Variants in MYO9B observed in about 807,000 individuals in gnomAD.
MYO9B encodes myosin IXB.
Under a neutral mutation model 229.5 loss-of-function variants are expected in MYO9B, and 71 were observed. The observed-to-expected ratio is 0.31, with a 90% CI of 0.26 to 0.38. The LOEUF (loss-of-function observed/expected upper bound fraction) is 0.38, where lower values mean the gene tolerates loss of function less well. Among genes scored for constraint, MYO9B ranks in the 10% least tolerant of loss-of-function variants. The pLI, the probability that MYO9B is intolerant of heterozygous loss-of-function variation, is 1.00. For synonymous variants in MYO9B, 1,185 were observed against 1,235.8 expected (o/e 0.96, Z 0.86); for missense variants, 2,255 against 2,920.5 (o/e 0.77, Z 5.25).
intron 31 of MYO9B, 126 bp from the exon 32 acceptor site, chr19:17,205,832 CAG>C (rs1322651617): frequency 1.1e-5 from 10 of 913,320 alleles, no homozygotes; most frequent in Non-Finnish European, 1.6e-5. Context: ...CAGAAGGAGA[CAG>C]GGAGGGACAG....
chr19:17,174,964 T>C (rs1270618458), intron 13 of MYO9B, among the ~76,000 whole-genome samples: 1 of 151,356 alleles, frequency 6.6e-6, no homozygotes, highest in Non-Finnish European at 1.5e-5. Flanking sequence ...AATAAATTAA[T>C]TAATTAATTA....
intron 7 of MYO9B, among the ~76,000 whole-genome samples, chr19:17,158,884 C>A (rs1335969479): frequency 6.6e-6 from 1 of 152,190 alleles, no homozygotes; most frequent in East Asian, 1.9e-4. Flanking sequence ...AATTCTGAAA[C>A]CTGCCAAGTG....
chr19:17,181,890 C>T (rs181796059), intron 15 of MYO9B, among the ~76,000 whole-genome samples: 1 of 152,096 alleles, frequency 6.6e-6, no homozygotes, highest in Admixed American at 6.6e-5. Flanking sequence ...ATTCTCCCAC[C>T]TCAGCCTCCT....
At chr19:17,136,472 G>A (rs146276994) in intron 2 of MYO9B, among the ~76,000 whole-genome samples, 111 of 152,196 alleles carry the variant, frequency 7.3e-4, no homozygotes, top group Middle Eastern at 3.4e-3. Context: ...CTATGGAAGG[G>A]ACAAAGGGAC....
At chr19:17,105,390 G>A (rs2057783639) in intron 2 of MYO9B, among the ~76,000 whole-genome samples, 1 of 151,880 alleles carries the variant, frequency 6.6e-6, no homozygotes, top group Admixed American at 6.6e-5. Context: ...CCCTACGTGG[G>A]AGTCTGAGGC....
chr19:17,076,983 T>C (rs776727281), intron 1 of MYO9B, among the ~76,000 whole-genome samples: 5 of 152,088 alleles, frequency 3.3e-5, no homozygotes, highest in Non-Finnish European at 7.4e-5. Context: ...CAGGGGTCTT[T>C]AAGGGATGGC....
intron 11 of MYO9B, 74 bp downstream of exon 11, chr19:17,168,138 C>A: frequency 5.1e-6 from 8 of 1,558,122 alleles, no homozygotes; most frequent in Non-Finnish European, 7.0e-6. Flanking sequence ...GCCCCCAGAG[C>A]CTTACCCCAA....
chr19:17,088,507 C>G (rs2057605559), intron 1 of MYO9B, among the ~76,000 whole-genome samples: 1 of 152,184 alleles, frequency 6.6e-6, no homozygotes, highest in Non-Finnish European at 1.5e-5. Context: ...CAGCTGCTCC[C>G]CGAGGAGTTT....
intron 11 of MYO9B, among the ~76,000 whole-genome samples, chr19:17,168,639 C>T (rs17534120): frequency 0.026 from 4,017 of 152,320 alleles, 79 homozygotes; most frequent in South Asian, 0.077. Context: ...TGCCTAGAAA[C>T]TAGACACTGG....
intron 2 of MYO9B, among the ~76,000 whole-genome samples, chr19:17,111,743 C>A (rs1224426849): frequency 6.6e-6 from 1 of 152,164 alleles, no homozygotes; most frequent in East Asian, 1.9e-4. Flanking sequence ...ACATTTCCAT[C>A]CCCCTGAAAG....
At chr19:17,124,385 T>C (rs1568674752) in intron 2 of MYO9B, among the ~76,000 whole-genome samples, 1 of 151,838 alleles carries the variant, frequency 6.6e-6, no homozygotes, top group Admixed American at 6.6e-5. Context: ...CTTCCCAGAG[T>C]AGAACAATTA....
intron 1 of MYO9B, among the ~76,000 whole-genome samples, chr19:17,090,940 T>C (rs1230109696): frequency 6.6e-6 from 1 of 152,134 alleles, no homozygotes; most frequent in Non-Finnish European, 1.5e-5. Flanking sequence ...TCACATCCAC[T>C]TGGGGCAGGG....
At chr19:17,103,296 G>T (rs1206641916) in intron 2 of MYO9B, 1 of 152,162 alleles carries the variant, frequency 6.6e-6, no homozygotes, top group Non-Finnish European at 1.5e-5. Context: ...ACTGCCTCTT[G>T]GAAAGAGAGT....
At chr19:17,080,284 G>T (rs546796062) in intron 1 of MYO9B, among the ~76,000 whole-genome samples, 1 of 152,192 alleles carries the variant, frequency 6.6e-6, no homozygotes, top group East Asian at 1.9e-4. Flanking sequence ...AGAACCGCAC[G>T]CTGGGTGGCC....
intron 17 of MYO9B, 63 bp downstream of exon 17, chr19:17,185,050 C>T (rs569083940): frequency 1.2e-4 from 188 of 1,608,288 alleles, no homozygotes; most frequent in Middle Eastern, 9.9e-4. Flanking sequence ...TGTAGCTTCA[C>T]CCGACACCGA....
rs1568302672 is a variant in MYO9B, at chr19:17,206,146, CAGACAGGTGGGCGCTGT to C, written c.5252_5257+11del. The C allele has an allele frequency of 1.2e-6, 2 of 1,607,100 alleles. No homozygotes were observed. The highest frequency in any genetic ancestry group is 1.1e-5 in the South Asian group (1 of 90,740). ...CACTCGGGAGCTCCGGCAGGCGCTG[CAGACAGGTGGGCGCTGT>C]GGGCAGGTGGGTGCAGTGCCAGGCC... On this transcript the variant is annotated splice_donor_variant and splice_donor_5th_base_variant and coding_sequence_variant and intron_variant, in exon 32 of 40. Transcript: ENST00000682292. LOFTEE classifies it high-confidence loss of function.
chr19:17,092,722 C>CAAAAAA (rs3067821), intron 1 of MYO9B, among the ~76,000 whole-genome samples: 1 of 97,654 alleles, frequency 1.0e-5, no homozygotes, highest in Non-Finnish European at 2.1e-5. Context: ...AAGGCTCCGT[C>CAAAAAA]AAAAAAAAAA....
In MYO9B at chr19:17,101,552, G is replaced by C; in HGVS notation, c.-58-108G>C. Reference sequence around the variant, plus strand: ...TTTTGGGCGAGCCTAGTCGGGTGGGGAACTCCAGCATCGGGTCAGGTGCTA... The same window carrying C: ...TTTTGGGCGAGCCTAGTCGGGTGGGCAACTCCAGCATCGGGTCAGGTGCTA... On this transcript the variant is annotated intron_variant, in intron 1 of 39. Transcript: ENST00000682292. The surrounding 1 kb of genome is among the most constrained non-coding windows in gnomAD (Gnocchi z 4.7). The C allele has an allele frequency of 8.8e-7, 1 of 1,137,736 alleles. No individual in the cohort carries two copies. The highest frequency in any genetic ancestry group is 1.2e-6 in the Non-Finnish European group (1 of 831,832). 70.5% of individuals were successfully genotyped at this position (1,137,736 alleles called of 1,614,324 possible).
At chr19:17,094,763 G>A (rs566260901) in intron 1 of MYO9B, among the ~76,000 whole-genome samples, 6 of 152,160 alleles carry the variant, frequency 3.9e-5, no homozygotes, top group Admixed American at 3.9e-4. Flanking sequence ...GCAACATGAT[G>A]AAACCCAGTC....
Sources: gnomAD v4.1 joint callset for allele counts (sites outside exome capture counted in the v4.1 genomes callset) on GRCh38, gnomAD v4.1.1 for gene constraint, Gnocchi (gnomAD v3.1) non-coding constraint, MANE v1.5 for transcripts, NCBI Gene and HGNC (gene_info 2026-07-23, HGNC 2026-07-21) for gene names.